The following NEGR1 variants were observed in gnomAD, a reference collection of about 807,000 sequenced individuals.
NEGR1 encodes IgLON family member 4.
Under a neutral mutation model 40.9 loss-of-function variants are expected in NEGR1, and 10 were observed. The observed-to-expected ratio is 0.24, with a 90% CI of 0.15 to 0.42. The LOEUF (loss-of-function observed/expected upper bound fraction) is 0.42, where lower values mean the gene tolerates loss of function less well. NEGR1 is among the 10% of genes least tolerant of loss of function. The pLI is 1.00. For synonymous variants in NEGR1, 185 were observed against 166.8 expected (o/e 1.11, Z -0.84); for missense variants, 352 against 438.9 (o/e 0.80, Z 1.77).
At chr1:71,673,234 C>G (rs1364262028) in intron 4 of NEGR1, among the ~76,000 whole-genome samples, 1 of 151,886 alleles carries the variant, frequency 6.6e-6, no homozygotes, top group African/African-American at 2.4e-5. Flanking sequence ...AAAAACAACC[C>G]AAAAAACTGT....
intron 2 of NEGR1, among the ~76,000 whole-genome samples, chr1:71,842,804 CGTATATCTTAACTTAGCAAGCTCT>C (rs1319267571): frequency 6.6e-6 from 1 of 152,110 alleles, no homozygotes; most frequent in African/African-American, 2.4e-5. Context: ...ACATCATTAT[CGTATATCTTAACTTAGCAAGCTCT>C]GTTATGGAGT....
chr1:72,063,511 C>T (rs376629325), intron 1 of NEGR1, among the ~76,000 whole-genome samples: 2 of 151,974 alleles, frequency 1.3e-5, no homozygotes, highest in South Asian at 4.2e-4. Flanking sequence ...TTGCACTCAC[C>T]TATAGTTATG....
At chr1:71,980,635 A>G (rs534357301) in intron 1 of NEGR1, among the ~76,000 whole-genome samples, 1 of 152,196 alleles carries the variant, frequency 6.6e-6, no homozygotes, top group Non-Finnish European at 1.5e-5. Context: ...GCTTCTTCTC[A>G]TCTACAAAAT....
chr1:71,906,347 C>G (rs919934594), intron 2 of NEGR1, among the ~76,000 whole-genome samples: 2 of 151,668 alleles, frequency 1.3e-5, no homozygotes, highest in African/African-American at 4.8e-5. Context: ...AAGAGCTTAT[C>G]CATGTAACCA....
chr1:71,752,232 G>T lies in NEGR1; in HGVS notation c.535+23940C>A, dbSNP rs912041907. On this transcript the variant is annotated intron_variant, in intron 3 of 6. Transcript: ENST00000357731. ...CTAAGCTTTTTTTGTAAAATACTTG[G>T]TAGAAAACATTTTCTTACTTGCAGG... Among the ~76,000 whole-genome samples the T allele has an allele frequency of 3.9e-5, 6 of 152,198 alleles. No homozygotes were observed. The East Asian group carries it at 1.2e-3, about 29-fold the overall frequency.
At position 71,849,004 on chromosome 1, in the gene NEGR1, T is replaced by A. The variant is rs146585647; in HGVS notation, c.410-72707A>T. On this transcript the variant is annotated intron_variant, in intron 2 of 6. Coordinates refer to ENST00000357731, the MANE Select transcript of NEGR1 (RefSeq NM_173808.3). ...ACGCAGGCGGCTGAGGCAGGAGAAT[T>A]GCTTGAATCCAGAGGTGGAGGTTTC... is the stretch of plus-strand genomic sequence containing the variant. Among the ~76,000 whole-genome samples, 372 of 151,814 alleles carry A rather than the reference T, an allele frequency of 2.5e-3. 3 individuals carry two copies. Among genetic ancestry groups the A allele is most frequent in the African/African-American group, 8.7e-3 (360 of 41,368 alleles).
At chr1:71,584,025 A>G (rs1649222964) in intron 6 of NEGR1, among the ~76,000 whole-genome samples, 1 of 152,222 alleles carries the variant, frequency 6.6e-6, no homozygotes, top group Non-Finnish European at 1.5e-5. Flanking sequence ...GGAAAATCCA[A>G]CCTACTATAA....
intron 1 of NEGR1, among the ~76,000 whole-genome samples, chr1:71,982,381 A>T (rs2100341126): frequency 6.6e-6 from 1 of 151,978 alleles, no homozygotes; most frequent in Middle Eastern, 3.4e-3. Context: ...TCTAACTATC[A>T]TTTGGCATAG....
At chr1:71,902,965 T>A (rs894876875) in intron 2 of NEGR1, among the ~76,000 whole-genome samples, 1 of 152,004 alleles carries the variant, frequency 6.6e-6, no homozygotes, top group Non-Finnish European at 1.5e-5. Flanking sequence ...GAAAAAAACA[T>A]GAGACTAGAA....
At chr1:71,456,830 T>A (rs1010101791) in intron 6 of NEGR1, among the ~76,000 whole-genome samples, 1 of 152,246 alleles carries the variant, frequency 6.6e-6, no homozygotes, top group African/African-American at 2.4e-5. Context: ...CACATTTCTA[T>A]GCCTGCTTTT....
chr1:72,113,616 G>A (rs1202851151), intron 1 of NEGR1, among the ~76,000 whole-genome samples: 1 of 151,608 alleles, frequency 6.6e-6, no homozygotes, highest in Non-Finnish European at 1.5e-5. Flanking sequence ...AAGCAGATAA[G>A]AGCACAAGGA....
intron 2 of NEGR1, among the ~76,000 whole-genome samples, chr1:71,801,762 C>T (rs886190370): frequency 5.9e-5 from 9 of 152,152 alleles, no homozygotes; most frequent in African/African-American, 2.2e-4. Context: ...GATTGCATTG[C>T]ATTTCGCCCA....
intron 1 of NEGR1, among the ~76,000 whole-genome samples, chr1:71,995,979 G>T (rs1646500975): frequency 6.6e-6 from 1 of 151,884 alleles, no homozygotes; most frequent in Non-Finnish European, 1.5e-5. Context: ...TCAGAATTAG[G>T]GATATCTATT....
At chr1:71,767,328 T>C (rs1656167710) in intron 3 of NEGR1, among the ~76,000 whole-genome samples, 1 of 152,140 alleles carries the variant, frequency 6.6e-6, no homozygotes, top group Admixed American at 6.5e-5. Flanking sequence ...TATTGGGAAC[T>C]AGAGTAAAGG....
chr1:72,212,479 A>G (rs1653645949), intron 1 of NEGR1, among the ~76,000 whole-genome samples: 1 of 151,998 alleles, frequency 6.6e-6, no homozygotes, highest in Non-Finnish European at 1.5e-5. Flanking sequence ...TCAAAAGCCC[A>G]ACAACAATCA....
At position 71,698,213 on chromosome 1, in the gene NEGR1, C is replaced by T; in HGVS notation, c.536-74G>A. On this transcript the variant is annotated intron_variant, in intron 3 of 6. Coordinates refer to ENST00000357731, the MANE Select transcript of NEGR1 (RefSeq NM_173808.3). The stretch of plus-strand genomic sequence containing the variant: ...TTCAAGTAAAACAACAATTTCATGA[C>T]TTCCTACAAGATACTGCTGACAAAA... 3 of 1,339,270 alleles carry T rather than the reference C, an allele frequency of 2.2e-6. No individual in the cohort carries two copies. The South Asian group carries it at 3.9e-5, about 17-fold the overall frequency. 83.0% of individuals were successfully genotyped at this position (1,339,270 alleles called of 1,614,324 possible). A position where few individuals can be genotyped will look rare whatever the true frequency, so the allele number is the denominator to read the frequency against.
chr1:71,487,190 C>A (rs1409352554), intron 6 of NEGR1: 2 of 151,550 alleles, frequency 1.3e-5, no homozygotes, highest in Admixed American at 1.3e-4. Flanking sequence ...ACATGACAGC[C>A]CAGCAGAGCA....
intron 6 of NEGR1, among the ~76,000 whole-genome samples, chr1:71,589,859 G>A (rs557012484): frequency 2.6e-4 from 39 of 152,066 alleles, no homozygotes; most frequent in African/African-American, 7.7e-4. Context: ...AAATCCTTCC[G>A]TAACTCTCCA....
chr1:72,272,987 C>A (rs915094687), intron 1 of NEGR1, among the ~76,000 whole-genome samples: 3 of 151,994 alleles, frequency 2.0e-5, no homozygotes, highest in Non-Finnish European at 4.4e-5. Context: ...GAGACCAATT[C>A]CCATGCCAGC....
Sources: gnomAD v4.1 joint callset for allele counts (sites outside exome capture counted in the v4.1 genomes callset) on GRCh38, gnomAD v4.1.1 for gene constraint, MANE v1.5 for transcripts, NCBI Gene and HGNC (gene_info 2026-07-23, HGNC 2026-07-21) for gene names.